VWA8: variants seen among roughly 807,000 people sequenced by gnomAD.
The protein encoded by VWA8 is von Willebrand factor A domain-containing protein 8.
Under a neutral mutation model 241.5 loss-of-function variants are expected in VWA8, and 221 were observed. The observed-to-expected ratio is 0.91, with a 90% CI of 0.82 to 1.02. The LOEUF (loss-of-function observed/expected upper bound fraction) is 1.02, where lower values mean the gene tolerates loss of function less well. Ranked by LOEUF, VWA8 falls within the 50% of genes least tolerant of loss-of-function variation. The pLI is 0.00. For synonymous variants in VWA8, 852 were observed against 827.1 expected (o/e 1.03, Z -0.52); for missense variants, 2,322 against 2,328.7 (o/e 1.00, Z 0.06).
At position 41,816,996 on chromosome 13, in the gene VWA8, C is replaced by T. The variant is rs150743294; in HGVS notation, c.1870-221G>A. ...CTCTTTAAGAATCAGGTAACTTAAA[C>T]CAAGACACTCTTCTCCATATACAAT... On this transcript the variant is annotated intron_variant, in intron 15 of 44. Coordinates refer to ENST00000379310, the MANE Select transcript of VWA8 (RefSeq NM_015058.2). Among the ~76,000 whole-genome samples, 16 of 152,282 alleles carry T rather than the reference C, an allele frequency of 1.1e-4. No individual in the cohort carries two copies. The East Asian group carries it at 3.1e-3, about 29-fold the overall frequency.
chr13:41,614,713 C>T (rs1049270615), intron 38 of VWA8, among the ~76,000 whole-genome samples: 1 of 152,170 alleles, frequency 6.6e-6, no homozygotes, highest in African/African-American at 2.4e-5. Context: ...CACACTATCC[C>T]CCTTTGACTG....
intron 9 of VWA8, among the ~76,000 whole-genome samples, chr13:41,868,883 G>A (rs1352389255): frequency 1.1e-4 from 9 of 78,288 alleles, no homozygotes; most frequent in South Asian, 6.1e-4. Flanking sequence ...GCAAGACTCC[G>A]TCTCAAAAAA....
At chr13:41,627,284 G>T (rs2044698345) in intron 37 of VWA8, among the ~76,000 whole-genome samples, 1 of 152,098 alleles carries the variant, frequency 6.6e-6, no homozygotes, top group Non-Finnish European at 1.5e-5. Context: ...CTATGCTCAG[G>T]CCCGCTCCCA....
At chr13:41,920,605 A>AT (rs1876475871) in intron 2 of VWA8, among the ~76,000 whole-genome samples, 1 of 152,194 alleles carries the variant, frequency 6.6e-6, no homozygotes, top group Admixed American at 6.5e-5. Context: ...GATAAAGGGG[A>AT]TATTACCACC....
chr13:41,631,003 TG>T (rs2044722995), intron 37 of VWA8, among the ~76,000 whole-genome samples: 1 of 152,160 alleles, frequency 6.6e-6, no homozygotes, highest in South Asian at 2.1e-4. Context: ...GTGGGGCCAC[TG>T]GTCAGCAGAG....
intron 40 of VWA8, among the ~76,000 whole-genome samples, chr13:41,603,479 T>A (rs2044534840): frequency 6.6e-6 from 1 of 152,160 alleles, no homozygotes; most frequent in Admixed American, 6.6e-5. Context: ...CCTCAACAAA[T>A]ACCAATTAAG....
intron 27 of VWA8, among the ~76,000 whole-genome samples, chr13:41,701,912 T>A (rs1307933428): frequency 6.6e-6 from 1 of 152,364 alleles, no homozygotes; most frequent in East Asian, 1.9e-4. Flanking sequence ...CAGAGCCTGA[T>A]GCATTTCCAT....
intron 17 of VWA8, among the ~76,000 whole-genome samples, chr13:41,804,643 T>C (rs1044564986): frequency 1.3e-5 from 2 of 152,192 alleles, no homozygotes; most frequent in African/African-American, 4.8e-5. Context: ...ATTTGTAGTA[T>C]GTAAACTACT....
At chr13:41,683,332 T>C (rs1418909217) in intron 35 of VWA8, among the ~76,000 whole-genome samples, 1 of 152,068 alleles carries the variant, frequency 6.6e-6, no homozygotes, top group Non-Finnish European at 1.5e-5. Context: ...ACTGTATTAA[T>C]TGAAAGATGC....
At chr13:41,759,709 A>C (rs1403140389) in intron 21 of VWA8, among the ~76,000 whole-genome samples, 1 of 151,558 alleles carries the variant, frequency 6.6e-6, no homozygotes, top group Non-Finnish European at 1.5e-5. Context: ...TGTCATTTTT[A>C]GTCTATTTCT....
chr13:41,926,626 T>C, intron 2 of VWA8: 1 of 545,122 alleles, frequency 1.8e-6, no homozygotes, highest in Non-Finnish European at 3.7e-6. Flanking sequence ...ACTACCACAA[T>C]CTCTTGGAAA....
Position 41,584,521 on chromosome 13 carries a change from G to A in VWA8, c.5271+2991C>T, listed in dbSNP as rs55661341. On this transcript the variant is annotated intron_variant, in intron 42 of 44. Coordinates refer to ENST00000379310, the MANE Select transcript of VWA8 (RefSeq NM_015058.2). ...AGGCTCAAAGAGCTTGTTTTGTGAT[G>A]TTTTAAGGTCTCTTCCTTTGGTTGG... Among the ~76,000 whole-genome samples, 376 of 152,330 alleles carry A rather than the reference G, an allele frequency of 2.5e-3. 1 individual carries two copies. Among genetic ancestry groups the A allele is most frequent in the African/African-American group, 8.6e-3 (356 of 41,576 alleles).
At position 41,573,484 on chromosome 13, in the gene VWA8, A is replaced by AAATAAATAAAT. The variant is rs1566372316; in HGVS notation, c.5370+2255_5370+2256insATTTATTTATT. 4.5e-4 allele frequency among the ~76,000 whole-genome samples: 53 copies of AAATAAATAAAT among 117,018 alleles called. 1 individual carries two copies. Among genetic ancestry groups the AAATAAATAAAT allele is most frequent in the African/African-American group, 1.9e-3 (50 of 26,768 alleles). The allele number at this position is 117,018 out of a possible 152,430, so 76.8% of individuals were successfully genotyped here. On this transcript the variant is annotated intron_variant, in intron 43 of 44. Coordinates refer to ENST00000379310, the MANE Select transcript of VWA8 (RefSeq NM_015058.2). ...AGGGTGGCTATAGTTTAAAAAAAAA[A>AAATAAATAAAT]AAATATATATATATATATATATACC... is the stretch of plus-strand genomic sequence containing the variant.
intron 21 of VWA8, among the ~76,000 whole-genome samples, chr13:41,733,757 C>G (rs2045503842): frequency 6.6e-6 from 1 of 152,168 alleles, no homozygotes; most frequent in Non-Finnish European, 1.5e-5. Context: ...TCTTCCCACA[C>G]AGACTGTAAG....
chr13:41,703,530 G>T, intron 26 of VWA8, 119 bp from the exon 27 acceptor site: 2 of 750,052 alleles, frequency 2.7e-6, no homozygotes, highest in Non-Finnish European at 4.4e-6. Flanking sequence ...ACTTAGAAGT[G>T]AGTTATACAT....
At position 41,761,125 on chromosome 13, in the gene VWA8, T is replaced by C; in HGVS notation, c.2426+3A>G. On this transcript the variant is annotated splice_donor_region_variant and intron_variant, in intron 21 of 44. Transcript: ENST00000379310. ...TAAGAGGTTGTGGGTCTAATAGTCTTACCTGTGTAGCTGAATATATTCTCG... is the reference window on the plus strand; with the variant it reads ...TAAGAGGTTGTGGGTCTAATAGTCTCACCTGTGTAGCTGAATATATTCTCG... 1.2e-6 allele frequency: 2 copies of C among 1,610,984 alleles called. No homozygotes were observed. Among genetic ancestry groups the C allele is most frequent in the African/African-American group, 2.7e-5 (2 of 74,804 alleles).
chr13:41,743,800 T>C (rs937413818), intron 21 of VWA8, among the ~76,000 whole-genome samples: 3 of 152,234 alleles, frequency 2.0e-5, no homozygotes, highest in African/African-American at 4.8e-5. Flanking sequence ...AGCAGTGACC[T>C]TGTCTGTCAT....
intron 2 of VWA8, chr13:41,927,261 A>T (rs557494367): frequency 2.2e-5 from 11 of 504,074 alleles, no homozygotes; most frequent in African/African-American, 3.9e-5. Context: ...TCAAGGAAGT[A>T]CTTCTATTTC....
At chr13:41,955,622 T>C (rs7320843) in intron 1 of VWA8, among the ~76,000 whole-genome samples, 123,809 of 152,196 alleles carry the variant, frequency 0.81, 51,200 homozygotes, top group East Asian at 1. Context: ...GTGGCAACAA[T>C]GCCCAAAGTT....
Sources: gnomAD v4.1 joint callset for allele counts (sites outside exome capture counted in the v4.1 genomes callset) on GRCh38, gnomAD v4.1.1 for gene constraint, MANE v1.5 for transcripts, NCBI Gene and HGNC (gene_info 2026-07-23, HGNC 2026-07-21) for gene names.